Variants in TTC21A observed in about 807,000 individuals in gnomAD.
TTC21A encodes tetratricopeptide repeat domain 21A, also known as tetratricopeptide repeat protein 21A.
In TTC21A, 128 loss-of-function variants were observed where a neutral mutation model predicts 156.4. The ratio of observed to expected loss-of-function variants is 0.82; its 90% CI spans 0.71 to 0.95. The LOEUF is 0.95. TTC21A is among the 40% of genes least tolerant of loss of function. TTC21A has a pLI of 0.00. For missense variants in TTC21A, 1,435 were observed against 1,602.3 expected (o/e 0.90, Z 1.78); for synonymous variants, 587 against 617.1 (o/e 0.95, Z 0.72).
chr3:39,134,103 A>G lies in TTC21A; in HGVS notation c.2752-115A>G, dbSNP rs2038935655. 3 of 732,764 alleles carry G rather than the reference A, an allele frequency of 4.1e-6. No individual in the cohort carries two copies. Among genetic ancestry groups the G allele is most frequent in the Admixed American group, 3.9e-5 (2 of 51,054 alleles). 45.4% of individuals were successfully genotyped at this position (732,764 alleles called of 1,614,324 possible). A position where few individuals can be genotyped will look rare whatever the true frequency, so the allele number is the denominator to read the frequency against. On this transcript the variant is annotated intron_variant, in intron 20 of 28. Transcript: ENST00000683103. This position sits in a 1 kb window ranked among gnomAD's most constrained non-coding sequence, Gnocchi z 4.6. ...CGTTCACGTGGGGAATTCGAGACAT[A>G]TTTTGAAGGCAGAGCTGATAGAAGT...
intron 12 of TTC21A, among the ~76,000 whole-genome samples, chr3:39,127,828 C>T (rs1234518800): frequency 6.6e-6 from 1 of 152,222 alleles, no homozygotes; most frequent in Admixed American, 6.5e-5. Context: ...TGGCTTATAT[C>T]ACTGGAGCCC....
Position 39,130,967 on chromosome 3 carries a change from A to G in TTC21A, c.2459-25A>G. ...GCTTCCCAGGAGCCAGTGAACTAAC[A>G]CTAATTTGAGTTTCCATTTAACAGT... On this transcript the variant is annotated intron_variant, in intron 18 of 28. Transcript: ENST00000683103. The surrounding 1 kb of genome is among the most constrained non-coding windows in gnomAD (Gnocchi z 4.5). The G allele has an allele frequency of 1.2e-6, 2 of 1,611,254 alleles. No homozygotes were observed. The highest frequency in any genetic ancestry group is 1.7e-6 in the Non-Finnish European group (2 of 1,178,380).
chr3:39,134,901 T>G lies in TTC21A; in HGVS notation c.2863-192T>G. The G allele has an allele frequency of 1.6e-6, 1 of 608,178 alleles. No individual in the cohort carries two copies. The highest frequency in any genetic ancestry group is 2.9e-6 in the Non-Finnish European group (1 of 339,816). The allele number at this position is 608,178 out of a possible 1,614,324, so 37.7% of individuals were successfully genotyped here. On this transcript the variant is annotated intron_variant, in intron 21 of 28. Transcript: ENST00000683103. The surrounding 1 kb of genome is among the most constrained non-coding windows in gnomAD (Gnocchi z 4.6). ...CCCCTCACCTTGGGAAGTCCTCACC[T>G]TCTGGGTGGGGGCCTGAGAAACCCT...
chr3:39,131,083 A>C lies in TTC21A; in HGVS notation c.2550A>C (p.Glu850Asp), dbSNP rs988507864. 1 of 1,608,540 alleles carries C rather than the reference A, an allele frequency of 6.2e-7. No individual in the cohort carries two copies. The highest frequency in any genetic ancestry group is 8.5e-7 in the Non-Finnish European group (1 of 1,179,912). The change falls in exon 19 of 29, where the codon GAA becomes GAC. Residue 850 changes from glutamate (E) to aspartate (D), a missense_variant. By Grantham distance (45) the Glu-to-Asp change is conservative. Transcript: ENST00000683103. ...GCCATAAAAAAGAAGCTGTGATAGA[A>C]ACTTTGAACAAGGTAATTGACAGGT... ...YKSHKKEAVI[E>D]TLNKALDLQS...
At position 39,130,105 on chromosome 3, in the gene TTC21A, C is replaced by A. The variant is rs781195813; in HGVS notation, c.2162C>A (p.Pro721His). The change falls in exon 16 of 29, where the codon CCC becomes CAC. Residue 721 changes from proline (P) to histidine (H), a missense_variant. Coordinates refer to ENST00000683103, the MANE Select transcript of TTC21A (RefSeq NM_001366900.1). The surrounding 1 kb of genome is among the most constrained non-coding windows in gnomAD (Gnocchi z 4.5). ...GAGCTCTGTGAACATCTGCCTGGCC[C>A]CCACACCAGCCTGCTACTGGGCGAT... The part of the protein sequence containing the change: ...YRELCEHLPG[P>H]HTSLLLGDAL... 6.2e-7 allele frequency: 1 copy of A among 1,614,102 alleles called. No individual in the cohort carries two copies. The highest frequency in any genetic ancestry group is 8.5e-7 in the Non-Finnish European group (1 of 1,180,020).
At chr3:39,122,670 A>C (rs928751341) in intron 9 of TTC21A, among the ~76,000 whole-genome samples, 1 of 152,194 alleles carries the variant, frequency 6.6e-6, no homozygotes, top group South Asian at 2.1e-4. Context: ...TTGGGGCAGG[A>C]GGGAGAGGAG....
In TTC21A at chr3:39,130,368, G is replaced by A. The variant is rs1424397674; in HGVS notation, c.2319+10G>A. On this transcript the variant is annotated intron_variant, in intron 17 of 28. Transcript: ENST00000683103. This position sits in a 1 kb window ranked among gnomAD's most constrained non-coding sequence, Gnocchi z 4.5. Reference sequence around the variant, plus strand: ...CCACCAGTATACTGAGGTCAGGCTGGGCTAGGGTGTGAAGGGGCAGGGAGG... The same window carrying A: ...CCACCAGTATACTGAGGTCAGGCTGAGCTAGGGTGTGAAGGGGCAGGGAGG... 1.2e-6 allele frequency: 2 copies of A among 1,607,164 alleles called. No homozygotes were observed. The highest frequency in any genetic ancestry group is 1.7e-6 in the Non-Finnish European group (2 of 1,175,936).
rs2037131399 is a variant in TTC21A, at chr3:39,114,717, G to A, written c.691G>A (p.Glu231Lys). ...MQLFLARQDW[E>K]QTVEMGHRIL... ...GCTGTTCTTAGCTCGGCAGGACTGGGAGCAGACAGTAGAAATGGGACACAG... is the reference window on the plus strand; with the variant it reads ...GCTGTTCTTAGCTCGGCAGGACTGGAAGCAGACAGTAGAAATGGGACACAG... Residue 231 changes from glutamate (E) to lysine (K), a missense_variant, in exon 6 of 29, where the codon GAG becomes AAG. Transcript: ENST00000683103. 2 of 1,614,214 alleles carry A rather than the reference G, an allele frequency of 1.2e-6. No individual in the cohort carries two copies. The highest frequency in any genetic ancestry group is 2.2e-5 in the South Asian group (2 of 91,078).
chr3:39,130,511 C>A lies in TTC21A; in HGVS notation c.2319+153C>A. ...ATGGGGTGCCAAGGGGAGAACTCAGCAACTCTCTGCTGCTGACCACACCTG... is the reference window on the plus strand; with the variant it reads ...ATGGGGTGCCAAGGGGAGAACTCAGAAACTCTCTGCTGCTGACCACACCTG... On this transcript the variant is annotated intron_variant, in intron 17 of 28. Coordinates refer to ENST00000683103, the MANE Select transcript of TTC21A (RefSeq NM_001366900.1). The surrounding 1 kb of genome is among the most constrained non-coding windows in gnomAD (Gnocchi z 4.5). 1 of 947,694 alleles carries A rather than the reference C, an allele frequency of 1.1e-6. No homozygotes were observed. The highest frequency in any genetic ancestry group is 1.6e-6 in the Non-Finnish European group (1 of 630,156). 58.7% of individuals were successfully genotyped at this position (947,694 alleles called of 1,614,324 possible). A position where few individuals can be genotyped will look rare whatever the true frequency, so the allele number is the denominator to read the frequency against.
chr3:39,109,289 C>G lies in TTC21A; in HGVS notation c.157+75C>G, dbSNP rs1463567791. The stretch of plus-strand genomic sequence containing the variant: ...CTAACACTCTGGCTCCACCTGGATG[C>G]CTTCTTGTATCCTAGTTATGGTCCC... On this transcript the variant is annotated intron_variant, in intron 2 of 28. Transcript: ENST00000683103. 2.6e-6 allele frequency: 4 copies of G among 1,510,672 alleles called. No homozygotes were observed. The African/African-American group carries it at 5.5e-5, about 21-fold the overall frequency. The allele number at this position is 1,510,672 out of a possible 1,614,324, so 93.6% of individuals were successfully genotyped here.
Position 39,136,649 on chromosome 3 carries a change from C to A in TTC21A, c.3095+142C>A, listed in dbSNP as rs114780327. On this transcript the variant is annotated intron_variant, in intron 23 of 28. Transcript: ENST00000683103. ...CCCAGCAAGTGAGGGCCCATGGGGGCAGGGGTGGAACCCTGTGGAAGTCAG... is the reference window on the plus strand; with the variant it reads ...CCCAGCAAGTGAGGGCCCATGGGGGAAGGGGTGGAACCCTGTGGAAGTCAG... 1.9e-3 allele frequency: 2,171 copies of A among 1,157,518 alleles called. 33 individuals are homozygous for A. The African/African-American group carries it at 0.03, about 16-fold the overall frequency. 71.7% of individuals were successfully genotyped at this position (1,157,518 alleles called of 1,614,324 possible). A position where few individuals can be genotyped will look rare whatever the true frequency, so the allele number is the denominator to read the frequency against.
chr3:39,115,467 C>T lies in TTC21A; in HGVS notation c.716+725C>T, dbSNP rs147656344. Among the ~76,000 whole-genome samples, 746 of 152,262 alleles carry T rather than the reference C, an allele frequency of 4.9e-3. 5 individuals are homozygous for T. The highest frequency in any genetic ancestry group is 0.016 in the African/African-American group (661 of 41,548). On this transcript the variant is annotated intron_variant, in intron 6 of 28. Coordinates refer to ENST00000683103, the MANE Select transcript of TTC21A (RefSeq NM_001366900.1). ...CTTGAGCCCAGAAGTTCAAGACCAGCCTCGGCAACATAGTGAGACCTTGTC... is the reference window on the plus strand; with the variant it reads ...CTTGAGCCCAGAAGTTCAAGACCAGTCTCGGCAACATAGTGAGACCTTGTC...
In TTC21A at chr3:39,130,020, T is replaced by G; in HGVS notation, c.2136-59T>G. 6.6e-7 allele frequency: 1 copy of G among 1,523,648 alleles called. No homozygotes were observed. The highest frequency in any genetic ancestry group is 9.1e-7 in the Non-Finnish European group (1 of 1,103,576). 94.4% of individuals were successfully genotyped at this position (1,523,648 alleles called of 1,614,324 possible). A position where few individuals can be genotyped will look rare whatever the true frequency, so the allele number is the denominator to read the frequency against. On this transcript the variant is annotated intron_variant, in intron 15 of 28. Transcript: ENST00000683103. This position sits in a 1 kb window ranked among gnomAD's most constrained non-coding sequence, Gnocchi z 4.5. The stretch of plus-strand genomic sequence containing the variant: ...GTGGGAAGGAAGTGAAGGAGATGAT[T>G]TCAGGAACATGAGGTGTGTGCGAAC...
chr3:39,127,812 G>A (rs1205626841), intron 12 of TTC21A, among the ~76,000 whole-genome samples: 1 of 152,206 alleles, frequency 6.6e-6, no homozygotes, highest in Non-Finnish European at 1.5e-5. Context: ...CCCCTTCCAA[G>A]CCGAGTGGCT....
intron 20 of TTC21A, 42 bp downstream of exon 20, chr3:39,133,282 G>A (rs1185975739): frequency 3.1e-6 from 5 of 1,590,912 alleles, no homozygotes; most frequent in Non-Finnish European, 4.3e-6. Context: ...CTCCCTCAGG[G>A]CACAATGACT....
intron 11 of TTC21A, 90 bp downstream of exon 11, chr3:39,125,622 G>A (rs1242528638): frequency 3.1e-6 from 3 of 973,772 alleles, no homozygotes. Context: ...ACCTTACTTG[G>A]CCAGTCACAA....
chr3:39,107,807 G>A lies in TTC21A; in HGVS notation c.-31G>A, dbSNP rs1464743737. ...AATCCCGCTCTGCACCGCCCCACCA[G>A]ACCCGGACTCGGAGCCGCGAGCGGC... On this transcript the variant is annotated 5_prime_UTR_variant, in exon 1 of 29. Coordinates refer to ENST00000683103, the MANE Select transcript of TTC21A (RefSeq NM_001366900.1). 2 of 1,612,306 alleles carry A rather than the reference G, an allele frequency of 1.2e-6. No homozygotes were observed.
intron 9 of TTC21A, 81 bp downstream of exon 9, chr3:39,121,270 C>T: frequency 1.6e-6 from 2 of 1,278,670 alleles, no homozygotes; most frequent in East Asian, 2.4e-5. Context: ...AAGAGAGGTG[C>T]TGGAAAGCAT....
intron 4 of TTC21A, among the ~76,000 whole-genome samples, chr3:39,111,537 A>G (rs1227037241): frequency 1.3e-5 from 2 of 152,204 alleles, no homozygotes; most frequent in Admixed American, 1.3e-4. Flanking sequence ...AGTGCAGCCC[A>G]TATACTGTAT....
Sources: allele counts gnomAD v4.1 joint callset (sites outside exome capture counted in the v4.1 genomes callset), GRCh38; gene constraint gnomAD v4.1.1; non-coding constraint Gnocchi (gnomAD v3.1); transcripts MANE v1.5; gene names NCBI Gene and HGNC (gene_info 2026-07-23, HGNC 2026-07-21).